Variants in PEPD observed in about 807,000 individuals in gnomAD.
PEPD encodes the protein peptidase D.
Under a neutral mutation model 60.7 loss-of-function variants are expected in PEPD, and 53 were observed. The ratio of observed to expected loss-of-function variants is 0.87; its 90% CI spans 0.70 to 1.10. The LOEUF is 1.10. PEPD is among the 50% of genes least tolerant of loss of function. The pLI is 0.00. For missense variants in PEPD, 711 were observed against 711.9 expected (o/e 1.00, Z 0.01); for synonymous variants, 267 against 284.1 (o/e 0.94, Z 0.60).
Position 33,470,921 on chromosome 19 carries a change from A to G in PEPD, c.549-6859T>C, listed in dbSNP as rs1300468664. On this transcript the variant is annotated intron_variant, in intron 7 of 14. Transcript: ENST00000244137. Reference sequence around the variant, plus strand: ...AGGTAGGAAGAGCAGCCCAGGGTGGACCACAGGAGCCCACACTCCCAGGCT... The same window carrying G: ...AGGTAGGAAGAGCAGCCCAGGGTGGGCCACAGGAGCCCACACTCCCAGGCT... 5.3e-5 allele frequency among the ~76,000 whole-genome samples: 8 copies of G among 152,192 alleles called. No individual in the cohort carries two copies. In the South Asian group the frequency reaches 1.2e-3, roughly 24 times the overall value.
chr19:33,493,183 G>A lies in PEPD; in HGVS notation c.441+107C>T, dbSNP rs572818352. ...GAGCCCCTGGACCCAACCCCTCTCC[G>A]TTTTTTAATCCTCCCCTATGGGCCC... On this transcript the variant is annotated intron_variant, in intron 5 of 14. Transcript: ENST00000244137. 4.7e-4 allele frequency: 389 copies of A among 825,264 alleles called. 6 individuals carry two copies. The South Asian group carries it at 5.4e-3, about 11-fold the overall frequency. 51.1% of individuals were successfully genotyped at this position (825,264 alleles called of 1,614,324 possible).
intron 9 of PEPD, among the ~76,000 whole-genome samples, chr19:33,453,300 C>G (rs1259289701): frequency 9.8e-6 from 1 of 102,138 alleles, no homozygotes; most frequent in East Asian, 2.3e-4. Context: ...GGCAGTAGAG[C>G]AAAACACTGT....
At chr19:33,489,748 C>T (rs1039674216) in intron 6 of PEPD, among the ~76,000 whole-genome samples, 4 of 152,172 alleles carry the variant, frequency 2.6e-5, no homozygotes, top group African/African-American at 9.7e-5. Context: ...CTTGCCCCTG[C>T]CCCTGCCCTG....
chr19:33,416,145 C>T (rs1421624024), intron 9 of PEPD, among the ~76,000 whole-genome samples: 1 of 152,200 alleles, frequency 6.6e-6, no homozygotes, highest in Non-Finnish European at 1.5e-5. Flanking sequence ...GGGGCCCATG[C>T]TTGATGCGGA....
Position 33,439,526 on chromosome 19 carries a change from T to C in PEPD, c.671+23469A>G, listed in dbSNP as rs571758523. The stretch of plus-strand genomic sequence containing the variant: ...TGGTGTGGGCTGGCTGTGAGGTTCA[T>C]TGAGCCTCCCCAGCTGCTCTCACTA... On this transcript the variant is annotated intron_variant, in intron 9 of 14. Coordinates refer to ENST00000244137, the MANE Select transcript of PEPD (RefSeq NM_000285.4). Among the ~76,000 whole-genome samples the C allele has an allele frequency of 4.6e-5, 7 of 152,330 alleles. No homozygotes were observed. In the East Asian group the frequency reaches 5.8e-4, roughly 13 times the overall value.
chr19:33,469,599 C>A (rs1970085670), intron 7 of PEPD, among the ~76,000 whole-genome samples: 1 of 152,060 alleles, frequency 6.6e-6, no homozygotes, highest in African/African-American at 2.4e-5. Context: ...AAGGTGCATC[C>A]TCTTCCCAAG....
chr19:33,510,776 CTA>C (rs1970909758), intron 3 of PEPD, among the ~76,000 whole-genome samples: 1 of 152,280 alleles, frequency 6.6e-6, no homozygotes, highest in South Asian at 2.1e-4. Context: ...CTTTTCCTCT[CTA>C]TCTACCTAAA....
At chr19:33,473,131 T>C (rs551410155) in intron 7 of PEPD, among the ~76,000 whole-genome samples, 1 of 152,288 alleles carries the variant, frequency 6.6e-6, no homozygotes, top group South Asian at 2.1e-4. Flanking sequence ...CCTTTCCTTC[T>C]GTCTGATGCT....
intron 1 of PEPD, among the ~76,000 whole-genome samples, chr19:33,519,275 G>A (rs977446343): frequency 2.0e-5 from 3 of 152,300 alleles, no homozygotes; most frequent in Admixed American, 2.0e-4. Flanking sequence ...AAAGAGAGAT[G>A]CATTCAGAGT....
chr19:33,467,461 C>T (rs1471737605), intron 7 of PEPD, among the ~76,000 whole-genome samples: 2 of 151,964 alleles, frequency 1.3e-5, no homozygotes, highest in Admixed American at 6.6e-5. Context: ...CAACAGAAGT[C>T]GGGAGGTAAA....
intron 3 of PEPD, among the ~76,000 whole-genome samples, chr19:33,507,635 G>A (rs1970838354): frequency 6.6e-6 from 1 of 152,194 alleles, no homozygotes; most frequent in Admixed American, 6.5e-5. Context: ...GGAGCTGAAG[G>A]TCAAATGTGA....
At chr19:33,395,522 G>A (rs1021328402) in intron 12 of PEPD, among the ~76,000 whole-genome samples, 1 of 152,152 alleles carries the variant, frequency 6.6e-6, no homozygotes, top group African/African-American at 2.4e-5. Flanking sequence ...AACAAGCCCC[G>A]CTGCTCCTGC....
intron 9 of PEPD, among the ~76,000 whole-genome samples, chr19:33,434,729 A>G (rs1969342035): frequency 6.6e-6 from 1 of 152,078 alleles, no homozygotes; most frequent in African/African-American, 2.4e-5. Flanking sequence ...AGGGTGTCCA[A>G]ATCAGCTGGG....
At chr19:33,500,852 G>T (rs1210410507) in intron 4 of PEPD, 86 bp downstream of exon 4, 2 of 821,500 alleles carry the variant, frequency 2.4e-6, no homozygotes, top group Non-Finnish European at 4.3e-6. Context: ...ATCCAGCAAG[G>T]TTGTGGCAGT....
At chr19:33,432,630 G>A (rs1307076109) in intron 9 of PEPD, among the ~76,000 whole-genome samples, 1 of 152,256 alleles carries the variant, frequency 6.6e-6, no homozygotes, top group Non-Finnish European at 1.5e-5. Context: ...GGACTGTGCT[G>A]TTCCTTGGAA....
At chr19:33,441,130 C>T (rs1255434089) in intron 9 of PEPD, among the ~76,000 whole-genome samples, 2 of 152,214 alleles carry the variant, frequency 1.3e-5, no homozygotes, top group Admixed American at 1.3e-4. Context: ...CATCTGGAAA[C>T]GATGTCTGAT....
intron 4 of PEPD, among the ~76,000 whole-genome samples, chr19:33,496,281 C>T (rs541091924): frequency 6.6e-6 from 1 of 152,278 alleles, no homozygotes; most frequent in South Asian, 2.1e-4. Flanking sequence ...CGACGACTCT[C>T]AGGACATGCT....
chr19:33,425,383 C>T (rs547813227), intron 9 of PEPD, among the ~76,000 whole-genome samples: 13 of 152,238 alleles, frequency 8.5e-5, no homozygotes, highest in Admixed American at 8.5e-4. Context: ...CCACATTGTC[C>T]CTCTAAGGAA....
intron 13 of PEPD, among the ~76,000 whole-genome samples, 154 bp downstream of exon 13, chr19:33,391,138 CCCT>C (rs1488083001): frequency 6.6e-5 from 10 of 152,152 alleles, no homozygotes; most frequent in African/African-American, 2.4e-4. Context: ...CCCGATTCCC[CCCT>C]CCTCATGGCC....
Sources: allele counts gnomAD v4.1 joint callset (sites outside exome capture counted in the v4.1 genomes callset), GRCh38; gene constraint gnomAD v4.1.1; transcripts MANE v1.5; gene names NCBI Gene and HGNC (gene_info 2026-07-23, HGNC 2026-07-21).